Variants in FGD4 observed in about 807,000 individuals in gnomAD.
The protein encoded by FGD4 is FYVE, RhoGEF and PH domain-containing protein 4.
Under a neutral mutation model 102.0 loss-of-function variants are expected in FGD4, and 42 were observed. The observed-to-expected ratio is 0.41, with a 90% CI of 0.32 to 0.53. FGD4 has a LOEUF of 0.53. Among genes scored for constraint, FGD4 ranks in the 20% least tolerant of loss-of-function variants. FGD4 has a pLI of 0.21. For missense variants in FGD4, 902 were observed against 1,078.2 expected (o/e 0.84, Z 2.29); for synonymous variants, 380 against 375.7 (o/e 1.01, Z -0.13).
chr12:32,531,033 C>T (rs1448671999), intron 1 of FGD4, among the ~76,000 whole-genome samples: 1 of 142,388 alleles, frequency 7.0e-6, no homozygotes, highest in Admixed American at 7.4e-5. Flanking sequence ...CTCACTGCAA[C>T]CTCTGCCTTT....
chr12:32,599,017 A>G (rs1199344820), intron 5 of FGD4, among the ~76,000 whole-genome samples: 3 of 152,194 alleles, frequency 2.0e-5, no homozygotes, highest in African/African-American at 7.2e-5. Flanking sequence ...ATAGGGCCAG[A>G]AGGGATTTTG....
At chr12:32,453,223 ATAGATATATATATATT>A (rs1565749140) in intron 1 of FGD4, among the ~76,000 whole-genome samples, 133 of 54,010 alleles carry the variant, frequency 2.5e-3, no homozygotes, top group African/African-American at 6.8e-3. Context: ...TATATATAAT[ATAGATATATATATATT>A]TTTTTTTTTT....
At chr12:32,616,462 C>T (rs1184684713) in intron 10 of FGD4, among the ~76,000 whole-genome samples, 1 of 152,176 alleles carries the variant, frequency 6.6e-6, no homozygotes, top group Non-Finnish European at 1.5e-5. Flanking sequence ...CTTTGAAGAC[C>T]ATCTTAGAAA....
intron 10 of FGD4, among the ~76,000 whole-genome samples, chr12:32,616,759 C>T (rs1949473851): frequency 1.3e-5 from 2 of 152,146 alleles, no homozygotes; most frequent in African/African-American, 4.8e-5. Context: ...ATTTTCATGC[C>T]TCCATACCAT....
rs558158966 is a variant in FGD4, at chr12:32,568,184, G to A, written c.319+3895G>A. Among the ~76,000 whole-genome samples, 6 of 152,324 alleles carry A rather than the reference G, an allele frequency of 3.9e-5. No individual in the cohort carries two copies. The South Asian group carries it at 1.2e-3, about 32-fold the overall frequency. On this transcript the variant is annotated intron_variant, in intron 2 of 16. Coordinates refer to ENST00000534526, the MANE Select transcript of FGD4 (RefSeq NM_001370298.3). ...TTATTTTATTTTAAACCTGAAAAAG[G>A]AATGACCAGAATGGCAGCCCTTTGC...
chr12:32,527,426 C>G (rs1009378346), intron 1 of FGD4, among the ~76,000 whole-genome samples: 1 of 130,816 alleles, frequency 7.6e-6, no homozygotes, highest in Non-Finnish European at 1.6e-5. Context: ...CTTCCCAGAG[C>G]CTGGCCAGAC....
intron 1 of FGD4, among the ~76,000 whole-genome samples, chr12:32,438,339 A>G (rs906205223): frequency 2.4e-4 from 37 of 152,240 alleles, no homozygotes; most frequent in African/African-American, 7.5e-4. Context: ...CTAAGACATC[A>G]GCTGAAGATG....
chr12:32,537,611 C>T (rs1314278835), intron 1 of FGD4, among the ~76,000 whole-genome samples: 1 of 152,168 alleles, frequency 6.6e-6, no homozygotes, highest in Non-Finnish European at 1.5e-5. Context: ...ACTTTCTGAC[C>T]TCAGCATCAA....
chr12:32,633,648 T>C lies in FGD4; in HGVS notation c.2272T>C (p.Phe758Leu). The C allele has an allele frequency of 2.5e-6, 4 of 1,609,100 alleles. No individual in the cohort carries two copies. The highest frequency in any genetic ancestry group is 3.4e-6 in the Non-Finnish European group (4 of 1,175,538). The part of the protein sequence containing the change: ...CKDCYQIISG[F>L]TDSEEKKRKG... ...AGACTGTTATCAAATCATAAGTGGATTCACAGACAGTGAAGAAAAGAAAAG... is the reference window on the plus strand; with the variant it reads ...AGACTGTTATCAAATCATAAGTGGACTCACAGACAGTGAAGAAAAGAAAAG... Residue 758 changes from phenylalanine (F) to leucine (L), a missense_variant, in exon 15 of 17, where the codon TTC (phenylalanine) becomes CTC (leucine). Phe to Leu is a conservative substitution (Grantham distance 22). Coordinates refer to ENST00000534526, the MANE Select transcript of FGD4 (RefSeq NM_001370298.3).
At chr12:32,636,753 G>A (rs569428363) in intron 15 of FGD4, among the ~76,000 whole-genome samples, 1 of 152,156 alleles carries the variant, frequency 6.6e-6, no homozygotes, top group Admixed American at 6.5e-5. Flanking sequence ...ACACTGAGTA[G>A]CACTACCTGA....
At chr12:32,495,621 G>A (rs1006617149) in intron 1 of FGD4, among the ~76,000 whole-genome samples, 39 of 150,802 alleles carry the variant, frequency 2.6e-4, no homozygotes, top group African/African-American at 6.6e-4. Flanking sequence ...TTGTGAGCCC[G>A]GGAGGCAGAG....
At chr12:32,526,723 A>G (rs1185188450) in intron 1 of FGD4, among the ~76,000 whole-genome samples, 1 of 152,162 alleles carries the variant, frequency 6.6e-6, no homozygotes, top group African/African-American at 2.4e-5. Flanking sequence ...TGCTGCTTTT[A>G]TGAGCTGTAA....
intron 1 of FGD4, among the ~76,000 whole-genome samples, chr12:32,418,292 C>T (rs1487144341): frequency 6.6e-6 from 1 of 152,144 alleles, no homozygotes; most frequent in Non-Finnish European, 1.5e-5. Flanking sequence ...TCATGTTTTC[C>T]TGGATGGTCT....
At chr12:32,552,604 C>A (rs1268300889) in intron 1 of FGD4, among the ~76,000 whole-genome samples, 1 of 151,726 alleles carries the variant, frequency 6.6e-6, no homozygotes, top group Admixed American at 6.6e-5. Context: ...CTTAGTTGAA[C>A]ACAGCAGAAA....
At chr12:32,563,433 T>C (rs1944863101) in intron 1 of FGD4, among the ~76,000 whole-genome samples, 2 of 147,640 alleles carry the variant, frequency 1.4e-5, no homozygotes, top group African/African-American at 5.1e-5. Context: ...CCTCAGTTCC[T>C]AGATGGGATG....
chr12:32,582,365 C>T lies in FGD4; in HGVS notation c.909C>T (p.Pro303=). ...CTCCAGGCATAGGCCCAGTGCTCCC[C>T]CTAGAAGAAAGAGGGGCAGAAACAG... ...YRTPGIGPVL[P]LEERGAETET... The change falls in exon 4 of 17, where the codon CCC becomes CCT. Residue 303 remains proline (P), a synonymous_variant. Coordinates refer to ENST00000534526, the MANE Select transcript of FGD4 (RefSeq NM_001370298.3). The T allele has an allele frequency of 1.2e-6, 2 of 1,614,062 alleles. No homozygotes were observed. Among genetic ancestry groups the T allele is most frequent in the Non-Finnish European group, 8.5e-7 (1 of 1,179,992 alleles).
intron 1 of FGD4, among the ~76,000 whole-genome samples, chr12:32,462,460 C>T (rs1015316333): frequency 6.6e-6 from 1 of 152,130 alleles, no homozygotes; most frequent in African/African-American, 2.4e-5. Flanking sequence ...TGCGCCCAGC[C>T]GACTTTCAAA....
chr12:32,526,836 C>T (rs1270708549), intron 1 of FGD4, among the ~76,000 whole-genome samples: 3 of 152,218 alleles, frequency 2.0e-5, no homozygotes, highest in Non-Finnish European at 4.4e-5. Flanking sequence ...AAAGCTGTAA[C>T]ACTCACCGCA....
intron 4 of FGD4, among the ~76,000 whole-genome samples, chr12:32,593,888 A>C (rs1947671272): frequency 6.6e-6 from 1 of 152,210 alleles, no homozygotes; most frequent in South Asian, 2.1e-4. Flanking sequence ...TACTAATAAC[A>C]ACATGCATGT....
Sources: allele counts gnomAD v4.1 joint callset (sites outside exome capture counted in the v4.1 genomes callset), GRCh38; gene constraint gnomAD v4.1.1; transcripts MANE v1.5; gene names NCBI Gene and HGNC (gene_info 2026-07-23, HGNC 2026-07-21).